Variants in RGS7 observed in about 807,000 individuals in gnomAD.
The protein encoded by RGS7 is regulator of G-protein signaling 7.
RGS7 carries 27 observed loss-of-function variants against 81.1 expected under a neutral mutation model. The ratio of observed to expected loss-of-function variants is 0.33; its 90% CI spans 0.25 to 0.46. RGS7 has a LOEUF of 0.46. Among genes scored for constraint, RGS7 ranks in the 20% least tolerant of loss-of-function variants. The pLI is 1.00. For missense variants in RGS7, 396 were observed against 607.4 expected (o/e 0.65, Z 3.66); for synonymous variants, 208 against 207.7 (o/e 1.00, Z -0.01).
chr1:241,268,011 G>A (rs1351868850), intron 2 of RGS7, among the ~76,000 whole-genome samples: 1 of 152,060 alleles, frequency 6.6e-6, no homozygotes, highest in African/African-American at 2.4e-5. Context: ...CTTGTCATTC[G>A]TGTTTAAAAC....
At chr1:241,250,677 G>A (rs1255414984) in intron 2 of RGS7, among the ~76,000 whole-genome samples, 1 of 152,170 alleles carries the variant, frequency 6.6e-6, no homozygotes, top group East Asian at 1.9e-4. Flanking sequence ...TATTGCACTA[G>A]GCCTCTTGAC....
chr1:240,955,612 A>G (rs1360945283), intron 4 of RGS7, among the ~76,000 whole-genome samples: 2 of 151,794 alleles, frequency 1.3e-5, no homozygotes, highest in Middle Eastern at 3.4e-3. Flanking sequence ...ACTGATTTCA[A>G]AACTTAGTTT....
At chr1:241,172,444 A>G (rs1572982461) in intron 2 of RGS7, among the ~76,000 whole-genome samples, 2 of 152,228 alleles carry the variant, frequency 1.3e-5, no homozygotes, top group South Asian at 4.1e-4. Flanking sequence ...CCATTAGCTA[A>G]CAGGACTAGG....
chr1:240,975,425 A>AAAC (rs71568977), intron 4 of RGS7, among the ~76,000 whole-genome samples: 3 of 151,906 alleles, frequency 2.0e-5, no homozygotes, highest in South Asian at 4.2e-4. Flanking sequence ...ACAAACAAAC[A>AAAC]AAAAAACACA....
intron 2 of RGS7, among the ~76,000 whole-genome samples, chr1:241,284,384 G>T (rs559276198): frequency 2.0e-5 from 3 of 151,916 alleles, no homozygotes; most frequent in Non-Finnish European, 2.9e-5. Flanking sequence ...ACCTAGGGGT[G>T]GGGGGAGTGT....
chr1:241,212,371 G>T (rs1000610159), intron 2 of RGS7, among the ~76,000 whole-genome samples: 23 of 152,140 alleles, frequency 1.5e-4, no homozygotes, highest in African/African-American at 5.3e-4. Context: ...GGTGACACAC[G>T]GTTCCAAGCT....
intron 18 of RGS7, among the ~76,000 whole-genome samples, chr1:240,798,921 T>A (rs1438361236): frequency 6.6e-6 from 1 of 152,162 alleles, no homozygotes; most frequent in African/African-American, 2.4e-5. Flanking sequence ...AATATTTACA[T>A]AAATTCCATC....
chr1:241,022,290 G>T (rs894199346), intron 3 of RGS7, among the ~76,000 whole-genome samples: 1 of 152,148 alleles, frequency 6.6e-6, no homozygotes, highest in Non-Finnish European at 1.5e-5. Flanking sequence ...TCATTCCTGG[G>T]TGTAGAGTGA....
chr1:241,327,674 G>A (rs2081685059), intron 2 of RGS7, among the ~76,000 whole-genome samples: 2 of 152,120 alleles, frequency 1.3e-5, no homozygotes, highest in Non-Finnish European at 1.5e-5. Context: ...ATGGTGGAAA[G>A]AAAAGAAAAG....
chr1:240,811,459 T>C (rs1176293948), intron 14 of RGS7, among the ~76,000 whole-genome samples: 5 of 152,236 alleles, frequency 3.3e-5, no homozygotes, highest in African/African-American at 1.2e-4. Flanking sequence ...GCAAAGAGAA[T>C]GAGACAGCCC....
At chr1:241,206,230 C>CTTTTTT (rs35296035) in intron 2 of RGS7, among the ~76,000 whole-genome samples, 1 of 135,950 alleles carries the variant, frequency 7.4e-6, no homozygotes, top group Non-Finnish European at 1.6e-5. Context: ...AAAGAATGAA[C>CTTTTTT]TTTTTTTTTT....
At chr1:240,904,377 A>T (rs997712240) in intron 6 of RGS7, among the ~76,000 whole-genome samples, 5 of 152,236 alleles carry the variant, frequency 3.3e-5, no homozygotes, top group African/African-American at 1.2e-4. Context: ...CATCTTCAAC[A>T]CACACATACA....
chr1:241,329,770 C>G (rs1319587110), intron 2 of RGS7, among the ~76,000 whole-genome samples: 1 of 151,970 alleles, frequency 6.6e-6, no homozygotes, highest in Non-Finnish European at 1.5e-5. Flanking sequence ...AGGTGAAATC[C>G]TGGAAACATT....
chr1:240,974,419 C>T lies in RGS7; in HGVS notation c.226+8660G>A, dbSNP rs115782688. Among the ~76,000 whole-genome samples the T allele has an allele frequency of 6.4e-3, 973 of 152,258 alleles. 13 individuals carry two copies. The highest frequency in any genetic ancestry group is 0.022 in the African/African-American group (927 of 41,552). ...TTTAAGAGAGCACAAACTGAATCAT[C>T]AGTTACCATAAATCCGATGCCACTT... On this transcript the variant is annotated intron_variant, in intron 4 of 18. Transcript: ENST00000440928.
chr1:241,295,728 G>A (rs138083421), intron 2 of RGS7, among the ~76,000 whole-genome samples: 19 of 152,260 alleles, frequency 1.2e-4, no homozygotes, highest in South Asian at 4.1e-4. Flanking sequence ...TAGAGATTCC[G>A]GAGTCGGCAA....
At chr1:241,257,494 T>C (rs946789324) in intron 2 of RGS7, among the ~76,000 whole-genome samples, 1 of 152,166 alleles carries the variant, frequency 6.6e-6, no homozygotes, top group Non-Finnish European at 1.5e-5. Flanking sequence ...CCAACCTAGA[T>C]TGTGCCAAAA....
chr1:240,971,221 G>A (rs972748883), intron 4 of RGS7, among the ~76,000 whole-genome samples: 10 of 152,066 alleles, frequency 6.6e-5, no homozygotes, highest in African/African-American at 2.4e-4. Flanking sequence ...GAACCAGAAC[G>A]CAGACCCTCA....
rs890898821 is a variant in RGS7, at chr1:241,003,536, C to T, written c.176-20407G>A. Among the ~76,000 whole-genome samples the T allele has an allele frequency of 4.0e-5, 6 of 151,816 alleles. No homozygotes were observed. The East Asian group carries it at 5.8e-4, about 15-fold the overall frequency. ...CTATTCTGATGATGTGAGCACTTCC[C>T]TAAGTGCCAACCTTACTATCAGAAG... On this transcript the variant is annotated intron_variant, in intron 3 of 18. Coordinates refer to ENST00000440928, the MANE Select transcript of RGS7 (RefSeq NM_001364886.1).
At chr1:241,197,606 G>C (rs1043062182) in intron 2 of RGS7, among the ~76,000 whole-genome samples, 2 of 151,810 alleles carry the variant, frequency 1.3e-5, no homozygotes, top group Non-Finnish European at 2.9e-5. Context: ...AGCACCACTA[G>C]AGATAAAGAT....
Sources: allele counts gnomAD v4.1 joint callset (sites outside exome capture counted in the v4.1 genomes callset), GRCh38; gene constraint gnomAD v4.1.1; transcripts MANE v1.5; gene names NCBI Gene and HGNC (gene_info 2026-07-23, HGNC 2026-07-21).